Variants in PDZRN4 observed in about 807,000 individuals in gnomAD.
PDZRN4 encodes PDZ domain-containing RING finger protein 4.
A neutral mutation model predicts 99.0 loss-of-function variants in PDZRN4; 70 were observed. The observed-to-expected ratio is 0.71, with a 90% CI of 0.58 to 0.86. The LOEUF is 0.86. Ranked by LOEUF, PDZRN4 falls within the 40% of genes least tolerant of loss-of-function variation. PDZRN4 has a pLI of 0.00. For missense variants in PDZRN4, 1,474 were observed against 1,331.2 expected (o/e 1.11, Z -1.67); for synonymous variants, 551 against 501.6 (o/e 1.10, Z -1.32).
At position 41,328,485 on chromosome 12, in the gene PDZRN4, C is replaced by T. The variant is rs541064490; in HGVS notation, c.843+134297C>T. Among the ~76,000 whole-genome samples the T allele has an allele frequency of 8.5e-5, 13 of 152,250 alleles. No homozygotes were observed. The South Asian group carries it at 2.5e-3, about 29-fold the overall frequency. On this transcript the variant is annotated intron_variant, in intron 3 of 9. Coordinates refer to ENST00000402685, the MANE Select transcript of PDZRN4 (RefSeq NM_001164595.2). ...AGTGAGCTATGATAATGCCACTACACTCAAGCCTGGGCAGCAGAGTGATGC... is the reference window on the plus strand; with the variant it reads ...AGTGAGCTATGATAATGCCACTACATTCAAGCCTGGGCAGCAGAGTGATGC...
chr12:41,409,489 C>T (rs1444122194), intron 3 of PDZRN4: 1 of 152,110 alleles, frequency 6.6e-6, no homozygotes, highest in Non-Finnish European at 1.5e-5. Context: ...GCATTTATTC[C>T]TTTACTATAG....
intron 3 of PDZRN4, among the ~76,000 whole-genome samples, chr12:41,423,466 G>A (rs540421474): frequency 1.3e-5 from 2 of 152,146 alleles, no homozygotes; most frequent in Admixed American, 1.3e-4. Flanking sequence ...CTCCGCAAAG[G>A]GCATTAACTC....
At chr12:41,297,360 G>T (rs1391224496) in intron 3 of PDZRN4, among the ~76,000 whole-genome samples, 2 of 152,134 alleles carry the variant, frequency 1.3e-5, no homozygotes, top group African/African-American at 4.8e-5. Context: ...TAGAACAAAT[G>T]AAATCTTTAA....
chr12:41,395,295 G>A (rs1420115734), intron 3 of PDZRN4, among the ~76,000 whole-genome samples: 1 of 152,060 alleles, frequency 6.6e-6, no homozygotes, highest in African/African-American at 2.4e-5. Context: ...CAGTATGACA[G>A]GTATATTGTA....
intron 3 of PDZRN4, among the ~76,000 whole-genome samples, chr12:41,257,321 G>T (rs1951210253): frequency 6.6e-6 from 1 of 152,158 alleles, no homozygotes; most frequent in African/African-American, 2.4e-5. Flanking sequence ...TCCTCACATG[G>T]TGGAAGAGGC....
Position 41,572,486 on chromosome 12 carries a change from G to A in PDZRN4, c.1707G>A (p.Glu569=). The A allele has an allele frequency of 6.2e-7, 1 of 1,614,140 alleles. No homozygotes were observed. The highest frequency in any genetic ancestry group is 8.5e-7 in the Non-Finnish European group (1 of 1,180,010). ...DESLRNDESS[E]QENAAEDPNS... is the part of the protein sequence containing the mutation. ...GCTTGCGAAATGATGAGAGCTCAGAGCAGGAGAATGCAGCCGAGGACCCCA... is the reference window on the plus strand; with the variant it reads ...GCTTGCGAAATGATGAGAGCTCAGAACAGGAGAATGCAGCCGAGGACCCCA... The change falls in exon 10 of 10, where the codon GAG becomes GAA. Residue 569 remains glutamate (E), a synonymous_variant. Transcript: ENST00000402685.
At chr12:41,244,066 T>C (rs1334201058) in intron 3 of PDZRN4, among the ~76,000 whole-genome samples, 1 of 152,178 alleles carries the variant, frequency 6.6e-6, no homozygotes, top group Non-Finnish European at 1.5e-5. Context: ...CTCCATCTTC[T>C]TTCCCAACAT....
chr12:41,555,162 C>T (rs1172448459), intron 6 of PDZRN4, among the ~76,000 whole-genome samples: 3 of 138,064 alleles, frequency 2.2e-5, no homozygotes, highest in Non-Finnish European at 4.5e-5. Context: ...ACCCGAGAGG[C>T]GGAGCTTGCA....
chr12:41,483,408 C>A (rs1014615111), intron 3 of PDZRN4, among the ~76,000 whole-genome samples: 3 of 152,058 alleles, frequency 2.0e-5, no homozygotes, highest in African/African-American at 7.2e-5. Flanking sequence ...TGAACAGGAT[C>A]CTAAATCTCT....
In PDZRN4 at chr12:41,326,704, C is replaced by T. The variant is rs116788358; in HGVS notation, c.843+132516C>T. 3.6e-3 allele frequency among the ~76,000 whole-genome samples: 542 copies of T among 152,232 alleles called. 8 individuals are homozygous for T. Among genetic ancestry groups the T allele is most frequent in the African/African-American group, 0.012 (516 of 41,550 alleles). On this transcript the variant is annotated intron_variant, in intron 3 of 9. Transcript: ENST00000402685. ...ATCTTCGACCCAGTATATTTTCCTC[C>T]ATGAAACCACAAGAGTCCTAACTAG...
At chr12:41,292,418 A>C (rs1253695562) in intron 3 of PDZRN4, among the ~76,000 whole-genome samples, 2 of 152,204 alleles carry the variant, frequency 1.3e-5, no homozygotes, top group Non-Finnish European at 2.9e-5. Context: ...TGCAGAGGTC[A>C]GAGAAGGCAG....
intron 3 of PDZRN4, among the ~76,000 whole-genome samples, chr12:41,351,721 A>C (rs1158234536): frequency 6.6e-6 from 1 of 152,066 alleles, no homozygotes; most frequent in Admixed American, 6.6e-5. Flanking sequence ...TAGAAATTAC[A>C]ATTTGACACG....
At chr12:41,191,839 G>A (rs973725351) in intron 2 of PDZRN4, among the ~76,000 whole-genome samples, 3 of 151,884 alleles carry the variant, frequency 2.0e-5, no homozygotes, top group Non-Finnish European at 4.4e-5. Flanking sequence ...CTAGAGTGCA[G>A]TGGCACGATC....
chr12:41,412,364 A>G (rs1952406582), intron 3 of PDZRN4: 1 of 152,208 alleles, frequency 6.6e-6, no homozygotes. Flanking sequence ...TGATTTCAGG[A>G]AGGCTCCTGG....
chr12:41,471,989 A>G (rs1343151546), intron 3 of PDZRN4, among the ~76,000 whole-genome samples: 2 of 148,272 alleles, frequency 1.3e-5, no homozygotes, highest in South Asian at 4.2e-4. Flanking sequence ...TAATAACAAT[A>G]TTATTCTATA....
chr12:41,315,317 A>G (rs1047057929), intron 3 of PDZRN4, among the ~76,000 whole-genome samples: 1 of 152,106 alleles, frequency 6.6e-6, no homozygotes, highest in Admixed American at 6.6e-5. Context: ...TGTCATGATC[A>G]CCATAGTGAA....
chr12:41,572,389 G>T lies in PDZRN4; in HGVS notation c.1610G>T (p.Gly537Val). 6.2e-7 allele frequency: 1 copy of T among 1,612,218 alleles called. No homozygotes were observed. Among genetic ancestry groups the T allele is most frequent in the South Asian group, 1.1e-5 (1 of 90,858 alleles). ...EQPKKQEEEE[G>V]TTDTATSSSN... ...CCAAAAAAGCAAGAAGAAGAAGAAG[G>T]CACAACAGACACTGCAACATCCTCA... Residue 537 changes from glycine to valine, a missense_variant, in exon 10 of 10, where the codon GGC (glycine) becomes GTC (valine). Physicochemically the swap from Gly to Val is moderately radical, Grantham distance 109. Coordinates refer to ENST00000402685, the MANE Select transcript of PDZRN4 (RefSeq NM_001164595.2).
chr12:41,197,871 C>T (rs1461912050), intron 3 of PDZRN4, among the ~76,000 whole-genome samples: 1 of 125,080 alleles, frequency 8.0e-6, no homozygotes, highest in African/African-American at 2.9e-5. Context: ...ATCGATTCCT[C>T]TATTCTTTCT....
chr12:41,212,700 G>A (rs1950896294), intron 3 of PDZRN4, among the ~76,000 whole-genome samples: 2 of 152,002 alleles, frequency 1.3e-5, no homozygotes, highest in Non-Finnish European at 2.9e-5. Flanking sequence ...AAATGTATGA[G>A]GGAAGTTCTA....
Sources: gnomAD v4.1 joint callset for allele counts (sites outside exome capture counted in the v4.1 genomes callset) on GRCh38, gnomAD v4.1.1 for gene constraint, MANE v1.5 for transcripts, NCBI Gene and HGNC (gene_info 2026-07-23, HGNC 2026-07-21) for gene names.